The following RRBP1 variants were observed in gnomAD, a reference collection of about 807,000 sequenced individuals.
RRBP1 encodes ribosome-binding protein 1.
A neutral mutation model predicts 165.2 loss-of-function variants in RRBP1; 94 were observed. The ratio of observed to expected loss-of-function variants is 0.57; its 90% CI spans 0.48 to 0.68. RRBP1 has a LOEUF of 0.68. RRBP1 is among the 30% of genes least tolerant of loss of function. RRBP1 has a pLI of 0.00. For missense variants in RRBP1, 1,676 were observed against 1,763.0 expected (o/e 0.95, Z 0.88); for synonymous variants, 680 against 714.5 (o/e 0.95, Z 0.77).
At chr20:17,614,650 C>T (rs1024348604) in intron 24 of RRBP1, 87 bp downstream of exon 24, 26 of 1,542,422 alleles carry the variant, frequency 1.7e-5, no homozygotes, top group East Asian at 1.1e-4. Context: ...TTGACGACTC[C>T]GCCCAGCTCT....
chr20:17,654,396 C>T (rs1206156528), intron 3 of RRBP1, among the ~76,000 whole-genome samples: 1 of 152,206 alleles, frequency 6.6e-6, no homozygotes, highest in Non-Finnish European at 1.5e-5. Flanking sequence ...ACATTAAGGA[C>T]TTACGGGTTT....
chr20:17,627,266 C>A, intron 11 of RRBP1, 82 bp downstream of exon 11: 1 of 1,450,268 alleles, frequency 6.9e-7, no homozygotes, highest in Non-Finnish European at 9.5e-7. Context: ...TGAGCACCCT[C>A]CTGAAAACCC....
Position 17,615,999 on chromosome 20 carries a change from T to C in RRBP1, c.3878A>G (p.Gln1293Arg), listed in dbSNP as rs1286809290. The change falls in exon 22 of 25, where the codon CAG becomes CGG. Residue 1293 changes from glutamine to arginine, a missense_variant. Around this residue, in one of 5 missense-constraint regions of RRBP1, gnomAD observed 1,184 missense variants for 1,167.1 expected, o/e 1.01. Coordinates refer to ENST00000377813, the MANE Select transcript of RRBP1 (RefSeq NM_001365613.2). Reference protein sequence around the residue: ...AEQDPVQLKTQLEWTEAILED... With the variant: ...AEQDPVQLKTRLEWTEAILED... The stretch of plus-strand genomic sequence containing the variant: ...CAGGATGGCTTCTGTCCACTCCAGC[T>C]GCGTCTTCAGCTGTGCAAACACCGC... The C allele has an allele frequency of 2.5e-6, 4 of 1,606,424 alleles. No individual in the cohort carries two copies. The highest frequency in any genetic ancestry group is 2.5e-6 in the Non-Finnish European group (3 of 1,179,764).
intron 8 of RRBP1, among the ~76,000 whole-genome samples, chr20:17,631,691 C>T (rs1268720465): frequency 6.6e-6 from 1 of 152,228 alleles, no homozygotes; most frequent in Non-Finnish European, 1.5e-5. Flanking sequence ...TTCTTCCAAG[C>T]AGGCCCCAAG....
chr20:17,668,361 T>C (rs192114962), intron 2 of RRBP1, among the ~76,000 whole-genome samples: 2 of 152,384 alleles, frequency 1.3e-5, no homozygotes, highest in African/African-American at 2.4e-5. Flanking sequence ...CTGGCTTTTC[T>C]ATTTTTCATT....
intron 8 of RRBP1, among the ~76,000 whole-genome samples, 174 bp from the exon 9 acceptor site, chr20:17,630,135 C>T (rs1046807085): frequency 2.6e-5 from 4 of 152,244 alleles, no homozygotes; most frequent in Non-Finnish European, 5.9e-5. Context: ...GGCTTCACTT[C>T]GGCCAGAACC....
chr20:17,637,292 A>G (rs2036265908), intron 5 of RRBP1, among the ~76,000 whole-genome samples: 1 of 152,154 alleles, frequency 6.6e-6, no homozygotes, highest in African/African-American at 2.4e-5. Context: ...CCACAGGTGA[A>G]CATGGATGCC....
chr20:17,636,565 C>A lies in RRBP1; in HGVS notation c.2337+12G>T. On this transcript the variant is annotated intron_variant, in intron 6 of 24. Transcript: ENST00000377813. ...TGTCCCTTCCCATGCCCCCGCCAGCCACTACACCCACCTTGCCCTGCAGCT... is the reference window on the plus strand; with the variant it reads ...TGTCCCTTCCCATGCCCCCGCCAGCAACTACACCCACCTTGCCCTGCAGCT... 1 of 1,609,992 alleles carries A rather than the reference C, an allele frequency of 6.2e-7. No individual in the cohort carries two copies. The highest frequency in any genetic ancestry group is 8.5e-7 in the Non-Finnish European group (1 of 1,179,676).
intron 20 of RRBP1, among the ~76,000 whole-genome samples, chr20:17,617,669 G>A (rs1339028242): frequency 6.6e-6 from 1 of 152,264 alleles, no homozygotes; most frequent in East Asian, 1.9e-4. Context: ...AGACACAGGA[G>A]GAGACCTGGC....
At chr20:17,651,722 C>A (rs2036562941) in intron 3 of RRBP1, among the ~76,000 whole-genome samples, 1 of 152,176 alleles carries the variant, frequency 6.6e-6, no homozygotes, top group East Asian at 1.9e-4. Context: ...ACCTTCCATG[C>A]CTCCATACTG....
chr20:17,616,098 G>A (rs1352092676), intron 21 of RRBP1, 89 bp from the exon 22 acceptor site: 2 of 1,053,114 alleles, frequency 1.9e-6, no homozygotes, highest in Non-Finnish European at 2.8e-6. Flanking sequence ...CTCTCTAGCT[G>A]CTTCTAGCTT....
In RRBP1 at chr20:17,657,920, C is replaced by T. The variant is rs112222997; in HGVS notation, c.1912+676G>A. Among the ~76,000 whole-genome samples the T allele has an allele frequency of 2.2e-3, 329 of 152,260 alleles. 1 individual carries two copies. Among genetic ancestry groups the T allele is most frequent in the Non-Finnish European group, 3.3e-3 (224 of 68,030 alleles). ...CATTCACTCAACAAGCACAGATACC[C>T]GAGTCAGGCTGCACAAAAGCATCAG... On this transcript the variant is annotated intron_variant, in intron 3 of 24. Transcript: ENST00000377813.
rs752856305 is a variant in RRBP1, at chr20:17,627,571, G to A, written c.2861C>T (p.Thr954Ile). Residue 954 changes from threonine (T) to isoleucine (I), a missense_variant, in exon 10 of 25, where the codon ACA becomes ATA. This residue lies in a region of RRBP1 where 1,184 missense variants were observed against 1,167.1 expected (regional missense o/e 1.01). Transcript: ENST00000377813. Reference protein sequence around the residue: ...QEARAENSQLTERIRSIEALL... With the variant: ...QEARAENSQLIERIRSIEALL... The stretch of plus-strand genomic sequence containing the variant: ...GGCCTCAATGGAACGGATTCTCTCT[G>A]TGAGCTGGGAGTTCTCCGCCCTGGC... The A allele has an allele frequency of 6.2e-7, 1 of 1,613,540 alleles. No homozygotes were observed. Among genetic ancestry groups the A allele is most frequent in the Admixed American group, 1.7e-5 (1 of 60,008 alleles).
intron 20 of RRBP1, 47 bp from the exon 21 acceptor site, chr20:17,616,886 C>T (rs2236252): frequency 0.18 from 253,063 of 1,410,988 alleles, 27,513 homozygotes; most frequent in East Asian, 0.5. Flanking sequence ...CAGTCGCACA[C>T]CCACCATGCT....
intron 3 of RRBP1, among the ~76,000 whole-genome samples, chr20:17,645,875 C>T (rs1299237625): frequency 6.6e-6 from 1 of 152,208 alleles, no homozygotes; most frequent in African/African-American, 2.4e-5. Flanking sequence ...AGCTCAGCTC[C>T]CTGAGGGCTT....
intron 3 of RRBP1, among the ~76,000 whole-genome samples, chr20:17,655,327 T>C (rs552224519): frequency 6.6e-6 from 1 of 152,204 alleles, no homozygotes; most frequent in Non-Finnish European, 1.5e-5. Context: ...CTTTTTGACT[T>C]TTGAAGAGAA....
At chr20:17,620,883 T>G (rs542921901) in intron 16 of RRBP1, 76 bp from the exon 17 acceptor site, 34 of 1,114,952 alleles carry the variant, frequency 3.0e-5, no homozygotes, top group Non-Finnish European at 4.0e-5. Flanking sequence ...TTCCTGTCCC[T>G]GCAGCCCTGG....
intron 6 of RRBP1, 152 bp downstream of exon 6, chr20:17,636,425 G>A: frequency 1.2e-6 from 1 of 834,878 alleles, no homozygotes; most frequent in Non-Finnish European, 1.8e-6. Context: ...AACAGCCCCT[G>A]GACTCCTAAA....
intron 11 of RRBP1, among the ~76,000 whole-genome samples, chr20:17,626,416 T>C (rs1434860634): frequency 6.6e-6 from 1 of 152,188 alleles, no homozygotes; most frequent in Non-Finnish European, 1.5e-5. Context: ...TCAGGGCAGC[T>C]GGCTTCCTTT....
Sources: gnomAD v4.1 joint callset for allele counts (sites outside exome capture counted in the v4.1 genomes callset) on GRCh38, gnomAD v4.1.1 for gene constraint, gnomAD v4.1.1 regional missense constraint, MANE v1.5 for transcripts, NCBI Gene and HGNC (gene_info 2026-07-23, HGNC 2026-07-21) for gene names.